The following RANBP2 variants were observed in gnomAD, a reference collection of about 807,000 sequenced individuals.
The protein encoded by RANBP2 is E3 SUMO-protein ligase RanBP2.
In RANBP2, 57 loss-of-function variants were observed where a neutral mutation model predicts 303.6. The ratio of observed to expected loss-of-function variants is 0.19; its 90% CI spans 0.15 to 0.23. The LOEUF is 0.23. Ranked by LOEUF, RANBP2 falls within the 10% of genes least tolerant of loss-of-function variation. The pLI is 1.00. For synonymous variants in RANBP2, 1,167 were observed against 1,301.5 expected, an observed-to-expected ratio of 0.90 and a Z score of 2.23; for missense variants, 3,138 against 3,780.8, an observed-to-expected ratio of 0.83 and a Z score of 4.46.
chr2:109,609,615 CAAAAAA>C, the RANBP2 span, among the ~76,000 whole-genome samples: 2 of 97,968 alleles, frequency 2.0e-5, no homozygotes. Flanking sequence ...GACTCCGCCT[CAAAAAA>C]AAAAAAAAAA....
chr2:109,219,766 A>G, the RANBP2 span, among the ~76,000 whole-genome samples: 1 of 152,346 alleles, frequency 6.6e-6, no homozygotes, highest in South Asian at 2.1e-4. Context: ...TGAAAACTAC[A>G]ACATGTTTTT....
the RANBP2 span, chr2:108,896,882 G>A: frequency 6.2e-7 from 1 of 1,601,310 alleles, no homozygotes; most frequent in South Asian, 1.1e-5. Flanking sequence ...GCTTGTCCTG[G>A]GAGGACAGCC....
the RANBP2 span, among the ~76,000 whole-genome samples, chr2:108,813,268 A>AAG: frequency 6.6e-6 from 1 of 150,596 alleles, no homozygotes; most frequent in Non-Finnish European, 1.5e-5. Flanking sequence ...AAAAAAAAAA[A>AAG]AAAAGAAAAT....
the RANBP2 span, among the ~76,000 whole-genome samples, chr2:109,442,798 A>C: frequency 7.2e-5 from 11 of 152,248 alleles, no homozygotes; most frequent in Non-Finnish European, 1.3e-4. Context: ...GAAAAGAAAC[A>C]ATACATGGGT....
At chr2:109,663,385 T>G in the RANBP2 span, among the ~76,000 whole-genome samples, 2 of 152,204 alleles carry the variant, frequency 1.3e-5, no homozygotes, top group Admixed American at 1.3e-4. Context: ...TGTGCATTCA[T>G]TTCAGCAATC....
At chr2:108,827,487 C>G in the RANBP2 span, among the ~76,000 whole-genome samples, 1 of 152,126 alleles carries the variant, frequency 6.6e-6, no homozygotes, top group African/African-American at 2.4e-5. Context: ...ATTATGACAT[C>G]AGTTCTTACT....
chr2:108,942,672 C>A, the RANBP2 span, among the ~76,000 whole-genome samples: 1 of 152,260 alleles, frequency 6.6e-6, no homozygotes, highest in African/African-American at 2.4e-5. Context: ...ACGGCGGGAG[C>A]CCTGCGGTTC....
the RANBP2 span, among the ~76,000 whole-genome samples, chr2:109,226,902 G>T: frequency 6.6e-6 from 1 of 152,170 alleles, no homozygotes; most frequent in African/African-American, 2.4e-5. Context: ...AAGCCGTGTG[G>T]TGGCCCAGAT....
At chr2:109,374,298 C>T in the RANBP2 span, among the ~76,000 whole-genome samples, 3,004 of 152,366 alleles carry the variant, frequency 0.02, 96 homozygotes, top group African/African-American at 0.061. Flanking sequence ...CTGGGCTCCA[C>T]GCCACACACC....
At chr2:109,026,538 T>A in the RANBP2 span, among the ~76,000 whole-genome samples, 1 of 152,116 alleles carries the variant, frequency 6.6e-6, no homozygotes, top group South Asian at 2.1e-4. Flanking sequence ...AAAGGCTGGC[T>A]ATGCAGTCAT....
the RANBP2 span, chr2:108,794,840 A>G: frequency 1.3e-6 from 1 of 780,014 alleles, no homozygotes; most frequent in Non-Finnish European, 2.0e-6. Context: ...TTGTCAAGAG[A>G]AGGACGGAAG....
intron 1 of RANBP2, among the ~76,000 whole-genome samples, chr2:108,726,776 T>G (rs1694747404): frequency 6.6e-6 from 1 of 152,054 alleles, no homozygotes; most frequent in African/African-American, 2.4e-5. Context: ...CAGAGGACCC[T>G]GCAGCCTTCC....
At chr2:108,848,952 T>G in the RANBP2 span, among the ~76,000 whole-genome samples, 1 of 152,196 alleles carries the variant, frequency 6.6e-6, no homozygotes, top group African/African-American at 2.4e-5. Context: ...AAGTCTTTAC[T>G]GCAGTTATTA....
At chr2:108,951,606 T>C in the RANBP2 span, among the ~76,000 whole-genome samples, 1 of 152,130 alleles carries the variant, frequency 6.6e-6, no homozygotes, top group Non-Finnish European at 1.5e-5. Flanking sequence ...AAAGGTGATA[T>C]GGTTTACAGG....
At chr2:109,681,629 C>G in the RANBP2 span, among the ~76,000 whole-genome samples, 1 of 152,222 alleles carries the variant, frequency 6.6e-6, no homozygotes, top group African/African-American at 2.4e-5. Flanking sequence ...AGTCCCACAG[C>G]ACCGAGGCTG....
chr2:109,342,928 G>T, the RANBP2 span, among the ~76,000 whole-genome samples: 3 of 152,208 alleles, frequency 2.0e-5, no homozygotes, highest in Non-Finnish European at 4.4e-5. Context: ...CATCCCAGAT[G>T]GGTTTTCCTT....
the RANBP2 span, among the ~76,000 whole-genome samples, chr2:109,203,118 G>A: frequency 3.9e-5 from 6 of 152,076 alleles, no homozygotes; most frequent in Non-Finnish European, 8.8e-5. Flanking sequence ...CGGTGCCCTG[G>A]GCCTGTCCGT....
intron 21 of RANBP2, among the ~76,000 whole-genome samples, chr2:108,772,282 G>C (rs1208926451): frequency 2.0e-5 from 3 of 152,120 alleles, no homozygotes; most frequent in Admixed American, 1.3e-4. Flanking sequence ...ATGGGACAAG[G>C]AGATCGGAAG....
At chr2:109,582,075 GACAC>G in the RANBP2 span, among the ~76,000 whole-genome samples, 4,575 of 143,840 alleles carry the variant, frequency 0.032, 130 homozygotes, top group East Asian at 0.12. Flanking sequence ...ATGTACAACA[GACAC>G]ACACACACAC....
Sources: gnomAD v4.1 joint callset for allele counts (sites outside exome capture counted in the v4.1 genomes callset) on GRCh38, gnomAD v4.1.1 for gene constraint, MANE v1.5 for transcripts, NCBI Gene and HGNC (gene_info 2026-07-23, HGNC 2026-07-21) for gene names.